Variants in CSMD2 observed in about 807,000 individuals in gnomAD.
CSMD2 encodes CUB and sushi domain-containing protein 2.
A neutral mutation model predicts 398.5 loss-of-function variants in CSMD2; 130 were observed. The observed-to-expected ratio is 0.33, with a 90% CI of 0.28 to 0.38. CSMD2 has a LOEUF of 0.38. Among genes scored for constraint, CSMD2 ranks in the 10% least tolerant of loss-of-function variants. The pLI is 1.00. For missense variants in CSMD2, 3,829 were observed against 4,764.9 expected (o/e 0.80, Z 5.78); for synonymous variants, 1,828 against 1,908.5 (o/e 0.96, Z 1.10).
chr1:33,641,925 C>A (rs529415698), intron 29 of CSMD2, among the ~76,000 whole-genome samples: 2 of 152,198 alleles, frequency 1.3e-5, no homozygotes, highest in African/African-American at 2.4e-5. Flanking sequence ...AATAAAAATG[C>A]CTGACCTGCT....
In CSMD2 at chr1:33,516,373, C is replaced by G. The variant is rs1653766226; in HGVS notation, c.*251G>C. The G allele has an allele frequency of 6.6e-6, 1 of 152,214 alleles. No homozygotes were observed. Among genetic ancestry groups the G allele is most frequent in the South Asian group, 2.1e-4 (1 of 4,816 alleles). The allele number at this position is 152,214 out of a possible 1,614,324, so 9.4% of individuals were successfully genotyped here. A position where few individuals can be genotyped will look rare whatever the true frequency, so the allele number is the denominator to read the frequency against. On this transcript the variant is annotated 3_prime_UTR_variant, in exon 71 of 71. Transcript: ENST00000373381. ...TGCTTTGCTATTTTAAATCCATAAA[C>G]TTTCTTCCTCTGTCTGCAGCCCCTC...
At chr1:33,898,012 A>G (rs1642505764) in intron 5 of CSMD2, among the ~76,000 whole-genome samples, 1 of 152,186 alleles carries the variant, frequency 6.6e-6, no homozygotes, top group African/African-American at 2.4e-5. Flanking sequence ...TATTGCCCCA[A>G]TTAAACCCTT....
At chr1:33,774,362 G>C (rs1471011922) in intron 12 of CSMD2, among the ~76,000 whole-genome samples, 5 of 152,136 alleles carry the variant, frequency 3.3e-5, no homozygotes, top group Admixed American at 3.3e-4. Flanking sequence ...AGGGATGGGG[G>C]AGGGGATACA....
At chr1:33,553,745 A>C (rs1013518728) in intron 55 of CSMD2, among the ~76,000 whole-genome samples, 9 of 152,212 alleles carry the variant, frequency 5.9e-5, no homozygotes, top group Non-Finnish European at 1.0e-4. Flanking sequence ...TGAATACATG[A>C]ATAAGAAAAT....
intron 1 of CSMD2, among the ~76,000 whole-genome samples, chr1:34,115,360 C>A (rs1273619164): frequency 1.3e-5 from 2 of 152,088 alleles, no homozygotes; most frequent in African/African-American, 4.8e-5. Context: ...CATGACTCAT[C>A]ACCTACAAAA....
At position 33,658,116 on chromosome 1, in the gene CSMD2, T is replaced by G. The variant is rs758606223; in HGVS notation, c.4277A>C (p.Asn1426Thr). ...QFSVSTATSC[N>T]DPGIPQNGSR... is the part of the protein sequence containing the mutation. ...CCCATTCTGCGGGATCCCAGGGTCA[T>G]TGCAGGACGTTGCTGTGGACACTGG... is the stretch of plus-strand genomic sequence containing the variant. The change falls in exon 27 of 71, where the codon AAT becomes ACT. Residue 1426 changes from asparagine (N) to threonine (T), a missense_variant. Physicochemically the swap from Asn to Thr is moderately conservative, Grantham distance 65. Coordinates refer to ENST00000373381, the MANE Select transcript of CSMD2 (RefSeq NM_001281956.2). 5 of 1,613,978 alleles carry G rather than the reference T, an allele frequency of 3.1e-6. No homozygotes were observed. The East Asian group carries it at 1.1e-4, about 36-fold the overall frequency.
intron 1 of CSMD2, among the ~76,000 whole-genome samples, chr1:34,092,497 C>G (rs1176171480): frequency 6.6e-6 from 1 of 152,114 alleles, no homozygotes; most frequent in African/African-American, 2.4e-5. Flanking sequence ...TCTGAGGTAC[C>G]AGGTTCATCT....
At chr1:33,594,140 A>C (rs139026806) in intron 44 of CSMD2, among the ~76,000 whole-genome samples, 121 of 152,342 alleles carry the variant, frequency 7.9e-4, no homozygotes, top group African/African-American at 2.9e-3. Context: ...TCTGTGCTTA[A>C]CTAGTATCAA....
At chr1:33,764,501 A>C (rs1158603504) in intron 13 of CSMD2, among the ~76,000 whole-genome samples, 3 of 152,184 alleles carry the variant, frequency 2.0e-5, no homozygotes, top group Admixed American at 2.0e-4. Flanking sequence ...TTCAGTGTTC[A>C]GGTTCTTGAG....
At chr1:33,934,239 G>C (rs1346284933) in intron 4 of CSMD2, among the ~76,000 whole-genome samples, 1 of 152,230 alleles carries the variant, frequency 6.6e-6, no homozygotes, top group East Asian at 1.9e-4. Context: ...GTTCCTCCCA[G>C]ACTGATATAT....
chr1:33,987,220 T>C (rs1646390150), intron 3 of CSMD2, among the ~76,000 whole-genome samples: 1 of 152,082 alleles, frequency 6.6e-6, no homozygotes, highest in Non-Finnish European at 1.5e-5. Context: ...AATTCCCTTA[T>C]CTATAAAACA....
chr1:33,936,600 A>T (rs1037347448), intron 3 of CSMD2, among the ~76,000 whole-genome samples: 1 of 152,220 alleles, frequency 6.6e-6, no homozygotes, highest in African/African-American at 2.4e-5. Context: ...GAGCCAAGCA[A>T]TCATGGTCAC....
At chr1:33,945,434 T>C (rs1018738788) in intron 3 of CSMD2, among the ~76,000 whole-genome samples, 1 of 152,108 alleles carries the variant, frequency 6.6e-6, no homozygotes, top group African/African-American at 2.4e-5. Context: ...CTTAAAAAGT[T>C]GGGGCCATTT....
At chr1:34,006,318 C>G (rs1442886867) in intron 3 of CSMD2, among the ~76,000 whole-genome samples, 1 of 152,076 alleles carries the variant, frequency 6.6e-6, no homozygotes, top group Non-Finnish European at 1.5e-5. Context: ...CTGGAGAATT[C>G]TGTGTCCCCA....
intron 67 of CSMD2, among the ~76,000 whole-genome samples, 183 bp from the exon 68 acceptor site, chr1:33,521,733 G>A (rs2148526154): frequency 6.6e-6 from 1 of 152,318 alleles, no homozygotes; most frequent in Admixed American, 6.5e-5. Context: ...GTGGGGCAGG[G>A]GCACCAGCTA....
At chr1:33,886,657 ATTC>A (rs1380379452) in intron 5 of CSMD2, among the ~76,000 whole-genome samples, 1 of 152,132 alleles carries the variant, frequency 6.6e-6, no homozygotes, top group Non-Finnish European at 1.5e-5. Flanking sequence ...CCGATGGGAA[ATTC>A]TTCTGCATAA....
At chr1:33,699,351 T>A (rs541319813) in intron 23 of CSMD2, among the ~76,000 whole-genome samples, 1 of 152,324 alleles carries the variant, frequency 6.6e-6, no homozygotes, top group East Asian at 1.9e-4. Context: ...CATACGCTGT[T>A]GAAATGGGCT....
intron 3 of CSMD2, among the ~76,000 whole-genome samples, chr1:33,955,135 T>C (rs1327619257): frequency 6.6e-6 from 1 of 152,214 alleles, no homozygotes; most frequent in East Asian, 1.9e-4. Flanking sequence ...CGGATCCCCA[T>C]CTGCCTTTCT....
intron 19 of CSMD2, among the ~76,000 whole-genome samples, chr1:33,718,004 G>C (rs1414400908): frequency 6.6e-6 from 1 of 152,194 alleles, no homozygotes; most frequent in African/African-American, 2.4e-5. Context: ...AAGGGAGACA[G>C]AAAAACTCAT....
Sources: allele counts gnomAD v4.1 joint callset (sites outside exome capture counted in the v4.1 genomes callset), GRCh38; gene constraint gnomAD v4.1.1; transcripts MANE v1.5; gene names NCBI Gene and HGNC (gene_info 2026-07-23, HGNC 2026-07-21).